Variants in CDK14 observed in about 807,000 individuals in gnomAD.
CDK14 encodes cyclin-dependent kinase 14.
In CDK14, 34 loss-of-function variants were observed where a neutral mutation model predicts 60.7. The ratio of observed to expected loss-of-function variants is 0.56; its 90% CI spans 0.43 to 0.75. The LOEUF (loss-of-function observed/expected upper bound fraction) is 0.75. Among genes scored for constraint, CDK14 ranks in the 30% least tolerant of loss-of-function variants. The probability of loss-of-function intolerance (pLI) is 0.00; values close to 1 mark genes in which losing one functional copy is unlikely to be tolerated. For missense variants in CDK14, 482 were observed against 564.1 expected (o/e 0.85, Z 1.47); for synonymous variants, 197 against 203.7 (o/e 0.97, Z 0.28).
chr7:91,059,850 G>A (rs1211468986), intron 11 of CDK14, among the ~76,000 whole-genome samples: 5 of 152,338 alleles, frequency 3.3e-5, no homozygotes, highest in Admixed American at 6.5e-5. Context: ...TGGAATAGGT[G>A]TGGTGTGGTG....
intron 2 of CDK14, among the ~76,000 whole-genome samples, chr7:90,677,323 A>G (rs1268253281): frequency 6.6e-6 from 1 of 152,196 alleles, no homozygotes; most frequent in South Asian, 2.1e-4. Context: ...TGGTTCCTGT[A>G]AAACTTACTG....
In CDK14 at chr7:91,079,470, G is replaced by A; in HGVS notation, c.1144G>A (p.Ala382Thr). The change falls in exon 12 of 15, where the codon GCA becomes ACA. Residue 382 changes from alanine to threonine, a missense_variant. Physicochemically the swap from Ala to Thr is moderately conservative, Grantham distance 58. Coordinates refer to ENST00000380050, the MANE Select transcript of CDK14 (RefSeq NM_001287135.2). ...GTACAGCTCTAAAAACCTTAGACAA[G>A]CATGGAATAAGTAAGTCTTTATACA... ...TLYSSKNLRQ[A>T]WNKLSYVNHA... 6.2e-7 allele frequency: 1 copy of A among 1,600,790 alleles called. No individual in the cohort carries two copies.
intron 2 of CDK14, among the ~76,000 whole-genome samples, chr7:90,676,140 A>C (rs1030912484): frequency 1.3e-5 from 2 of 152,246 alleles, no homozygotes; most frequent in African/African-American, 4.8e-5. Flanking sequence ...CTGCTTTCAC[A>C]ATCATAGAGG....
intron 2 of CDK14, among the ~76,000 whole-genome samples, chr7:90,648,327 C>G (rs1220815517): frequency 6.6e-6 from 1 of 152,154 alleles, no homozygotes; most frequent in Non-Finnish European, 1.5e-5. Context: ...AGTGTCTTCA[C>G]ATTCTGGTGG....
At chr7:90,608,610 A>T (rs752818575) in intron 2 of CDK14, 3 of 878,234 alleles carry the variant, frequency 3.4e-6, no homozygotes, top group Non-Finnish European at 2.7e-6. Flanking sequence ...ATTAGAATAA[A>T]CCTTTGAAAT....
chr7:90,819,356 C>G (rs555061730), intron 5 of CDK14, among the ~76,000 whole-genome samples: 3 of 152,114 alleles, frequency 2.0e-5, no homozygotes, highest in Non-Finnish European at 4.4e-5. Context: ...GCTAGTATTT[C>G]CAGGTTACAG....
intron 2 of CDK14, among the ~76,000 whole-genome samples, chr7:90,708,777 G>C (rs959243671): frequency 1.3e-5 from 2 of 152,106 alleles, no homozygotes; most frequent in Non-Finnish European, 2.9e-5. Context: ...TTTAAAATAC[G>C]TGAATATTTA....
chr7:91,179,447 A>T (rs2115866451), intron 14 of CDK14, among the ~76,000 whole-genome samples: 1 of 151,524 alleles, frequency 6.6e-6, no homozygotes, highest in South Asian at 2.1e-4. Context: ...TGGCACATGT[A>T]TACATATGTA....
chr7:91,046,271 G>T (rs563410496), intron 11 of CDK14, among the ~76,000 whole-genome samples: 17 of 152,214 alleles, frequency 1.1e-4, no homozygotes, highest in African/African-American at 3.9e-4. Context: ...TTTAAATTGG[G>T]TTGCTGTAAT....
chr7:91,131,954 A>G (rs1171951540), intron 14 of CDK14, among the ~76,000 whole-genome samples: 1 of 152,078 alleles, frequency 6.6e-6, no homozygotes, highest in Non-Finnish European at 1.5e-5. Context: ...TGAATATCCA[A>G]CCAACTCACC....
intron 2 of CDK14, among the ~76,000 whole-genome samples, chr7:90,708,356 A>G (rs1235317033): frequency 6.6e-6 from 1 of 152,188 alleles, no homozygotes; most frequent in Non-Finnish European, 1.5e-5. Flanking sequence ...ATAACCAATC[A>G]CAAAAAAGTC....
chr7:91,145,665 A>G (rs924025058), intron 14 of CDK14, among the ~76,000 whole-genome samples: 10 of 152,184 alleles, frequency 6.6e-5, no homozygotes, highest in African/African-American at 2.4e-4. Context: ...TCCTGTCCCT[A>G]AGGAAATTCA....
intron 13 of CDK14, among the ~76,000 whole-genome samples, chr7:91,113,567 T>C (rs1799531256): frequency 6.6e-6 from 1 of 152,154 alleles, no homozygotes; most frequent in South Asian, 2.1e-4. Context: ...CAATTAGAGA[T>C]ATTTCTTCTA....
chr7:90,893,249 G>A (rs1792193701), intron 6 of CDK14, among the ~76,000 whole-genome samples: 1 of 152,168 alleles, frequency 6.6e-6, no homozygotes, highest in South Asian at 2.1e-4. Flanking sequence ...AATGGTGATG[G>A]AGTAAAGGGG....
chr7:91,111,549 C>G (rs760165493), intron 12 of CDK14, among the ~76,000 whole-genome samples: 4 of 152,156 alleles, frequency 2.6e-5, no homozygotes, highest in Non-Finnish European at 4.4e-5. Flanking sequence ...ACTTTAGAGT[C>G]AAGAAGTTCT....
rs1800142284 is a variant in CDK14, at chr7:90,636,165, C to T, written c.123+31916C>T. 5.3e-5 allele frequency among the ~76,000 whole-genome samples: 8 copies of T among 151,666 alleles called. No homozygotes were observed. In the South Asian group the frequency reaches 1.7e-3, roughly 32 times the overall value. ...TAATTGCCCTGGCCAGAACTTCCAA[C>T]ACTATGTTGAATAGGAGTGGTGAGA... On this transcript the variant is annotated intron_variant, in intron 2 of 14. Coordinates refer to ENST00000380050, the MANE Select transcript of CDK14 (RefSeq NM_001287135.2).
chr7:91,037,123 C>T (rs1004821943), intron 10 of CDK14, among the ~76,000 whole-genome samples: 2 of 152,208 alleles, frequency 1.3e-5, no homozygotes, highest in Non-Finnish European at 2.9e-5. Flanking sequence ...CTTGAACGAT[C>T]AATTAATAGA....
intron 14 of CDK14, among the ~76,000 whole-genome samples, chr7:91,118,588 A>G (rs1235111223): frequency 6.6e-6 from 1 of 151,776 alleles, no homozygotes; most frequent in African/African-American, 2.4e-5. Flanking sequence ...TCATTTTAAA[A>G]TGGGGAGATT....
chr7:90,888,534 C>G (rs983631982), intron 6 of CDK14, among the ~76,000 whole-genome samples: 9 of 152,090 alleles, frequency 5.9e-5, no homozygotes, highest in African/African-American at 2.2e-4. Flanking sequence ...TCTTCCTTCC[C>G]TTTATCTGTT....
Sources: allele counts gnomAD v4.1 joint callset (sites outside exome capture counted in the v4.1 genomes callset), GRCh38; gene constraint gnomAD v4.1.1; transcripts MANE v1.5; gene names NCBI Gene and HGNC (gene_info 2026-07-23, HGNC 2026-07-21).